Variants in UEVLD observed in about 807,000 individuals in gnomAD.
UEVLD encodes UEV and lactate/malate dehyrogenase domains.
A neutral mutation model predicts 58.6 loss-of-function variants in UEVLD; 47 were observed. The ratio of observed to expected loss-of-function variants is 0.80; its 90% CI spans 0.63 to 1.02. The LOEUF is 1.02. Among genes scored for constraint, UEVLD ranks in the 50% least tolerant of loss-of-function variants. UEVLD has a pLI of 0.00. For missense variants in UEVLD, 510 were observed against 550.6 expected (o/e 0.93, Z 0.74); for synonymous variants, 197 against 195.3 (o/e 1.01, Z -0.07).
chr11:18,578,579 T>A, intron 2 of UEVLD, 145 bp downstream of exon 2: 1 of 645,384 alleles, frequency 1.5e-6, no homozygotes, highest in Non-Finnish European at 2.7e-6. Flanking sequence ...TAATTTAAGC[T>A]TTCTCAGAAA....
chr11:18,569,629 TA>T (rs34888550), intron 4 of UEVLD, among the ~76,000 whole-genome samples: 72,070 of 151,690 alleles, frequency 0.48, 17,524 homozygotes, highest in Non-Finnish European at 0.55. Context: ...AGGTAACCAT[TA>T]AAAACCATGT....
chr11:18,545,431 C>T (rs921231926), intron 8 of UEVLD, among the ~76,000 whole-genome samples: 11 of 150,648 alleles, frequency 7.3e-5, no homozygotes, highest in African/African-American at 2.0e-4. Context: ...ATACATTTTA[C>T]TGTGTTTTGT....
At position 18,532,374 on chromosome 11, in the gene UEVLD, T is replaced by A. The variant is rs201635931; in HGVS notation, c.1362A>T (p.Lys454Asn). 117 of 1,613,452 alleles carry A rather than the reference T, an allele frequency of 7.3e-5. No individual in the cohort carries two copies. In the East Asian group the frequency reaches 1.9e-3, roughly 26 times the overall value. Reference sequence around the variant, plus strand: ...GGATTGAGGATGCACTGCTTTGGAGTTTCTCAGTAACTGTATCTTCTTTCA... The same window carrying A: ...GGATTGAGGATGCACTGCTTTGGAGATTCTCAGTAACTGTATCTTCTTTCA... The part of the protein sequence containing the change: ...TTLKEDTVTE[K>N]LQSSASSIHS... Residue 454 changes from lysine (K) to asparagine (N), a missense_variant, in exon 12 of 12, where the codon AAA becomes AAT. By Grantham distance (94) the Lys-to-Asn change is moderately conservative. Transcript: ENST00000396197.
chr11:18,570,122 T>G, intron 4 of UEVLD, 92 bp downstream of exon 4: 1 of 1,270,462 alleles, frequency 7.9e-7, no homozygotes, highest in Non-Finnish European at 1.1e-6. Flanking sequence ...TGAAAGAAAA[T>G]GCAGTATCAT....
intron 2 of UEVLD, 104 bp downstream of exon 2, chr11:18,578,620 G>C (rs1403599756): frequency 3.9e-6 from 3 of 774,764 alleles, no homozygotes; most frequent in Non-Finnish European, 6.5e-6. Context: ...CTGAAAATCA[G>C]AGGATAAAAG....
chr11:18,583,206 G>A (rs1028520263), intron 1 of UEVLD, among the ~76,000 whole-genome samples: 2 of 139,804 alleles, frequency 1.4e-5, no homozygotes, highest in African/African-American at 5.4e-5. Context: ...TTACAGGCGT[G>A]AGCCATTGTG....
chr11:18,574,359 A>C (rs1261907538), intron 3 of UEVLD, among the ~76,000 whole-genome samples: 1 of 152,076 alleles, frequency 6.6e-6, no homozygotes, highest in Non-Finnish European at 1.5e-5. Flanking sequence ...GCTGGTCTTG[A>C]ACTCCTGACC....
intron 7 of UEVLD, among the ~76,000 whole-genome samples, chr11:18,551,369 G>C (rs1020855088): frequency 1.5e-5 from 2 of 129,428 alleles, no homozygotes; most frequent in African/African-American, 5.1e-5. Context: ...GTTGTAGTGA[G>C]CTGAGATCGC....
chr11:18,574,376 G>T (rs1294148171), intron 3 of UEVLD, among the ~76,000 whole-genome samples: 6 of 152,160 alleles, frequency 3.9e-5, no homozygotes, highest in African/African-American at 1.4e-4. Context: ...GACCTCAAGT[G>T]ATCTGCCCAC....
intron 6 of UEVLD, among the ~76,000 whole-genome samples, chr11:18,558,558 C>T (rs996063131): frequency 2.0e-5 from 3 of 151,978 alleles, no homozygotes; most frequent in Non-Finnish European, 4.4e-5. Context: ...CCAAGGCAGG[C>T]GGATCACCTG....
chr11:18,578,911 A>C, intron 1 of UEVLD, 103 bp from the exon 2 acceptor site: 1 of 735,226 alleles, frequency 1.4e-6, no homozygotes, highest in Admixed American at 3.1e-5. Context: ...TCTGTTGCCC[A>C]GGCTGGAATG....
intron 6 of UEVLD, among the ~76,000 whole-genome samples, chr11:18,563,369 T>C (rs780170206): frequency 4.6e-5 from 7 of 151,952 alleles, no homozygotes; most frequent in Non-Finnish European, 8.8e-5. Flanking sequence ...GGCAGGAAGA[T>C]TGCTTGAGCC....
At chr11:18,539,082 T>G (rs1488896873) in intron 9 of UEVLD, 19 of 146,972 alleles carry the variant, frequency 1.3e-4, no homozygotes, top group Non-Finnish European at 3.0e-5. Context: ...AAGTTTTTTT[T>G]TTTTTTTTTT....
intron 7 of UEVLD, among the ~76,000 whole-genome samples, chr11:18,554,062 G>A (rs1325366329): frequency 2.0e-5 from 3 of 152,020 alleles, no homozygotes; most frequent in Admixed American, 6.6e-5. Context: ...CAATTCCCTC[G>A]GTCTGACTCC....
At chr11:18,541,939 G>A (rs1851072827) in intron 9 of UEVLD, among the ~76,000 whole-genome samples, 3 of 152,086 alleles carry the variant, frequency 2.0e-5, no homozygotes, top group African/African-American at 7.2e-5. Context: ...TGCATTCACT[G>A]GCTCCCTAAA....
At chr11:18,573,235 G>A (rs549025659) in intron 3 of UEVLD, among the ~76,000 whole-genome samples, 32 of 152,244 alleles carry the variant, frequency 2.1e-4, no homozygotes, top group Non-Finnish European at 1.5e-4. Context: ...ATTAGAAACC[G>A]AAATGCTACT....
At chr11:18,534,837 C>T (rs1413382075) in intron 10 of UEVLD, among the ~76,000 whole-genome samples, 5 of 152,154 alleles carry the variant, frequency 3.3e-5, no homozygotes, top group Non-Finnish European at 7.4e-5. Context: ...GTGATCTAAC[C>T]TTTTAAGAAG....
At chr11:18,536,900 T>TG (rs1850822632) in intron 9 of UEVLD, 1 of 189,588 alleles carries the variant, frequency 5.3e-6, no homozygotes, top group South Asian at 1.1e-4. Flanking sequence ...TGTTCCTTTT[T>TG]TTTTTTTTTT....
intron 7 of UEVLD, 23 bp from the exon 8 acceptor site, chr11:18,547,073 C>A: frequency 6.2e-7 from 1 of 1,602,740 alleles, no homozygotes; most frequent in Non-Finnish European, 8.5e-7. Flanking sequence ...AAGAAACAGT[C>A]TGAGCTGAAG....
Sources: allele counts gnomAD v4.1 joint callset (sites outside exome capture counted in the v4.1 genomes callset), GRCh38; gene constraint gnomAD v4.1.1; transcripts MANE v1.5; gene names NCBI Gene and HGNC (gene_info 2026-07-23, HGNC 2026-07-21).